MREG: variants seen among roughly 807,000 people sequenced by gnomAD.
The protein encoded by MREG is melanoregulin.
MREG carries 31 observed loss-of-function variants against 28.5 expected under a neutral mutation model. That is an observed-to-expected ratio of 1.09 (90% CI 0.82 to 1.47). The LOEUF (loss-of-function observed/expected upper bound fraction) is 1.47. Among genes scored for constraint, MREG ranks in the 40% most tolerant of loss-of-function variants. MREG has a pLI of 0.00. For synonymous variants in MREG, 106 were observed against 95.2 expected, an observed-to-expected ratio of 1.11 and a Z score of -0.66; for missense variants, 256 against 257.4, an observed-to-expected ratio of 0.99 and a Z score of 0.04.
At chr2:216,016,521 T>A (rs1305918727), upstream of MREG, among the ~76,000 whole-genome samples, 1 of 152,212 alleles carries the variant, frequency 6.6e-6, no homozygotes, top group Non-Finnish European at 1.5e-5. Context: ...ATTACTAACT[T>A]TGATTTTTAA....
downstream of MREG, chr2:215,941,548 C>A (rs1279729621): frequency 6.6e-6 from 1 of 152,170 alleles, no homozygotes; most frequent in Non-Finnish European, 1.5e-5. Context: ...AAGTAAATAA[C>A]CATAGGGACA....
intron 2 of MREG, among the ~76,000 whole-genome samples, chr2:215,986,713 C>T (rs956212896): frequency 6.6e-6 from 1 of 152,188 alleles, no homozygotes; most frequent in East Asian, 1.9e-4. Context: ...AGTTCCCCTG[C>T]ACAAGTTCTC....
chr2:215,998,417 TAGC>T (rs1389965147), intron 1 of MREG, among the ~76,000 whole-genome samples: 1 of 152,054 alleles, frequency 6.6e-6, no homozygotes, highest in Non-Finnish European at 1.5e-5. Flanking sequence ...GAACCAAGGC[TAGC>T]AGGAGACCAG....
At position 215,960,985 on chromosome 2, in the gene MREG, CT is replaced by C. The variant is rs1324708395; in HGVS notation, c.256-13873del. Among the ~76,000 whole-genome samples, 4 of 152,388 alleles carry C rather than the reference CT, an allele frequency of 2.6e-5. No individual in the cohort carries two copies. In the South Asian group the frequency reaches 8.3e-4, roughly 32 times the overall value. On this transcript the variant is annotated intron_variant, in intron 2 of 4. Coordinates refer to ENST00000263268, the MANE Select transcript of MREG (RefSeq NM_018000.3). ...GCGAAAAAGAGAAGACTGTATTTCACTGTTCCTAGACAGCTGGTGCACTCAT... is the reference window on the plus strand; with the variant it reads ...GCGAAAAAGAGAAGACTGTATTTCACGTTCCTAGACAGCTGGTGCACTCAT...
In MREG at chr2:216,022,376, C is replaced by G. The variant is rs181585899; in HGVS notation, c.-68+10413G>C. 1.9e-3 allele frequency among the ~76,000 whole-genome samples: 295 copies of G among 152,236 alleles called. 1 individual carries two copies. Among genetic ancestry groups the G allele is most frequent in the Non-Finnish European group, 2.5e-3 (167 of 68,022 alleles). ...GAGTCACCCATCCTTCAGTTCCTAC[C>G]ATGTGCTCTTCCCTACCTCACCCCC... On this transcript the variant is annotated intron_variant, in intron 1 of 3. Transcript: ENST00000420348.
intron 2 of MREG, among the ~76,000 whole-genome samples, chr2:215,949,078 C>CTAA (rs1491318499): frequency 0.013 from 1,118 of 88,810 alleles, 8 homozygotes; most frequent in South Asian, 0.049. Flanking sequence ...ACTACTACTA[C>CTAA]TACTACTACT....
chr2:216,009,343 C>CAA (rs200057661), intron 1 of MREG, among the ~76,000 whole-genome samples: 16 of 145,712 alleles, frequency 1.1e-4, no homozygotes, highest in Middle Eastern at 3.5e-3. Flanking sequence ...TACAAAAATG[C>CAA]AAAAAAAAAA....
intron 2 of MREG, among the ~76,000 whole-genome samples, chr2:215,952,438 A>G (rs891974759): frequency 1.3e-5 from 2 of 152,214 alleles, no homozygotes; most frequent in Non-Finnish European, 2.9e-5. Context: ...TTCATGTTGT[A>G]TATCTTGAAT....
chr2:215,995,985 A>C (rs1693861912), intron 2 of MREG, among the ~76,000 whole-genome samples: 1 of 152,230 alleles, frequency 6.6e-6, no homozygotes, highest in Non-Finnish European at 1.5e-5. Flanking sequence ...CTTACTAAAC[A>C]ACTGGAAAGA....
At chr2:215,956,498 T>A (rs113849715) in intron 2 of MREG, among the ~76,000 whole-genome samples, 1 of 152,150 alleles carries the variant, frequency 6.6e-6, no homozygotes, top group Admixed American at 6.5e-5. Context: ...AGAAATTAAA[T>A]TTCTAGAAAT....
intron 2 of MREG, among the ~76,000 whole-genome samples, chr2:215,965,602 A>G (rs1280187753): frequency 6.6e-6 from 1 of 152,166 alleles, no homozygotes; most frequent in Non-Finnish European, 1.5e-5. Flanking sequence ...GTAGTGGTCA[A>G]CCCTTTCCTA....
intron 2 of MREG, among the ~76,000 whole-genome samples, chr2:215,959,986 C>T (rs1047448761): frequency 2.7e-5 from 4 of 150,022 alleles, no homozygotes; most frequent in Admixed American, 6.7e-5. Context: ...GACGGAGTCT[C>T]GCTCTGTCGC....
exon 1 of MREG, chr2:216,032,942 G>GA (rs1694732739): frequency 6.6e-6 from 1 of 152,176 alleles, no homozygotes; most frequent in Admixed American, 6.5e-5. Flanking sequence ...ACCAGGTCTT[G>GA]AATCCTAAGA....
At chr2:216,031,097 G>GT (rs887646673) in intron 1 of MREG, among the ~76,000 whole-genome samples, 43 of 152,010 alleles carry the variant, frequency 2.8e-4, no homozygotes, top group African/African-American at 1.0e-3. Context: ...AAGTAAAATG[G>GT]TAACAACGCG....
chr2:215,962,446 C>A (rs1022760965), intron 2 of MREG, among the ~76,000 whole-genome samples: 1 of 152,200 alleles, frequency 6.6e-6, no homozygotes, highest in Admixed American at 6.5e-5. Flanking sequence ...TATTCCTAAT[C>A]AACTAGTTGG....
At chr2:216,030,950 TCTCTCTCACACA>T (rs1559203605) in intron 1 of MREG, among the ~76,000 whole-genome samples, 3 of 96,230 alleles carry the variant, frequency 3.1e-5, no homozygotes, top group African/African-American at 1.3e-4. Flanking sequence ...TCTCTCTCTC[TCTCTCTCACACA>T]CACACACACA....
intron 2 of MREG, among the ~76,000 whole-genome samples, chr2:215,969,559 G>A (rs1693033396): frequency 1.3e-5 from 2 of 152,166 alleles, no homozygotes; most frequent in Non-Finnish European, 2.9e-5. Context: ...CAAATGATGT[G>A]TATACAGTAG....
upstream of MREG, among the ~76,000 whole-genome samples, chr2:216,015,723 T>G (rs1415535674): frequency 6.6e-6 from 1 of 151,966 alleles, no homozygotes; most frequent in African/African-American, 2.4e-5. Flanking sequence ...GTCGAGGTGG[T>G]AAGGAACGGC....
intron 2 of MREG, among the ~76,000 whole-genome samples, chr2:215,982,587 G>C (rs1559186293): frequency 6.6e-6 from 1 of 152,136 alleles, no homozygotes; most frequent in Non-Finnish European, 1.5e-5. Context: ...GTTGACACAG[G>C]GTGAGTAATG....
Sources: allele counts gnomAD v4.1 joint callset (sites outside exome capture counted in the v4.1 genomes callset), GRCh38; gene constraint gnomAD v4.1.1; transcripts MANE v1.5; gene names NCBI Gene and HGNC (gene_info 2026-07-23, HGNC 2026-07-21).